Variants in TCF4 observed in about 807,000 individuals in gnomAD.
TCF4 encodes transcription factor 4.
A neutral mutation model predicts 82.1 loss-of-function variants in TCF4; 3 were observed. That is an observed-to-expected ratio of 0.04 (90% CI 0.02 to 0.09). The LOEUF is 0.09. TCF4 is among the 10% of genes least tolerant of loss of function. TCF4 has a pLI of 1.00. For missense variants in TCF4, 518 were observed against 852.7 expected, an observed-to-expected ratio of 0.61 and a Z score of 4.89; for synonymous variants, 276 against 309.6, an observed-to-expected ratio of 0.89 and a Z score of 1.14.
At chr18:55,241,100 C>T (rs532163670) in intron 15 of TCF4, among the ~76,000 whole-genome samples, 2 of 152,332 alleles carry the variant, frequency 1.3e-5, no homozygotes, top group South Asian at 2.1e-4. Context: ...ATCATATGAT[C>T]AGCTGGGCTG....
intron 6 of TCF4, among the ~76,000 whole-genome samples, chr18:55,370,430 T>C (rs1333439994): frequency 5.9e-5 from 5 of 84,344 alleles, no homozygotes; most frequent in Non-Finnish European, 1.2e-4. Flanking sequence ...AGACAGATGA[T>C]AGATAGATAG....
chr18:55,302,011 T>C (rs1395692856), intron 8 of TCF4, among the ~76,000 whole-genome samples: 1 of 152,206 alleles, frequency 6.6e-6, no homozygotes, highest in Non-Finnish European at 1.5e-5. Context: ...AAAACCGTGG[T>C]TGTAACCGAA....
At chr18:55,289,287 G>A (rs1320712413) in intron 8 of TCF4, among the ~76,000 whole-genome samples, 1 of 152,182 alleles carries the variant, frequency 6.6e-6, no homozygotes, top group Non-Finnish European at 1.5e-5. Flanking sequence ...ATAAAAGACT[G>A]CGGATGCTAA....
intron 3 of TCF4, among the ~76,000 whole-genome samples, chr18:55,577,902 T>C (rs1568445463): frequency 6.6e-6 from 1 of 152,094 alleles, no homozygotes. Context: ...AAGTTTAAAA[T>C]GTCAGAGAAA....
At chr18:55,284,692 G>A (rs79299399) in intron 8 of TCF4, among the ~76,000 whole-genome samples, 2 of 152,242 alleles carry the variant, frequency 1.3e-5, no homozygotes, top group East Asian at 3.9e-4. Context: ...TCACTGAAAC[G>A]TTGTAATTGA....
chr18:55,317,000 T>C (rs2074306657), intron 8 of TCF4, among the ~76,000 whole-genome samples: 1 of 152,070 alleles, frequency 6.6e-6, no homozygotes, highest in African/African-American at 2.4e-5. Context: ...TCTGTGAATC[T>C]CATGCAGGGA....
At position 55,361,407 on chromosome 18, in the gene TCF4, C is replaced by T. The variant is rs375270025; in HGVS notation, c.370-10404G>A. On this transcript the variant is annotated intron_variant, in intron 6 of 19. Coordinates refer to ENST00000354452, the MANE Select transcript of TCF4 (RefSeq NM_001083962.2). ...GGAAGACAGTCCTCATCTGTCTCTT[C>T]CCTTCCCTGCAGCCTACCTATAGTC... is the stretch of plus-strand genomic sequence containing the variant. Among the ~76,000 whole-genome samples, 174 of 152,330 alleles carry T rather than the reference C, an allele frequency of 1.1e-3. 1 individual carries two copies. The highest frequency in any genetic ancestry group is 8.3e-3 in the South Asian group (40 of 4,830).
intron 15 of TCF4, among the ~76,000 whole-genome samples, chr18:55,239,462 C>T (rs996007599): frequency 1.6e-4 from 25 of 152,044 alleles, no homozygotes; most frequent in Admixed American, 1.3e-4. Flanking sequence ...AGTTAGGGGG[C>T]AAGATGCGTT....
intron 1 of TCF4, 63 bp from the exon 2 acceptor site, chr18:55,587,199 C>A: frequency 3.4e-6 from 2 of 583,362 alleles, no homozygotes; most frequent in African/African-American, 3.8e-5. Context: ...AAAACACAAT[C>A]GGATTTTTGG....
At chr18:55,429,789 A>AAC (rs2095128565) in intron 5 of TCF4, among the ~76,000 whole-genome samples, 6 of 150,510 alleles carry the variant, frequency 4.0e-5, no homozygotes, top group African/African-American at 9.7e-5. Flanking sequence ...AAAAAAAAAA[A>AAC]CAATTTGGTC....
intron 8 of TCF4, among the ~76,000 whole-genome samples, chr18:55,337,363 G>C (rs1202789294): frequency 1.3e-5 from 2 of 152,174 alleles, no homozygotes; most frequent in African/African-American, 4.8e-5. Context: ...TGAAAATTTA[G>C]GGTAACTCTG....
chr18:55,621,725 T>G (rs12968088), intron 2 of TCF4, among the ~76,000 whole-genome samples: 2 of 85,336 alleles, frequency 2.3e-5, no homozygotes, highest in African/African-American at 4.6e-5. Context: ...ATAATTATAT[T>G]TATAATTATA....
At chr18:55,309,325 T>A (rs2071468017) in intron 8 of TCF4, among the ~76,000 whole-genome samples, 1 of 151,910 alleles carries the variant, frequency 6.6e-6, no homozygotes, top group South Asian at 2.1e-4. Context: ...TGTCCCAATG[T>A]TGATCATGTT....
At chr18:55,511,324 A>G (rs589379) in intron 3 of TCF4, among the ~76,000 whole-genome samples, 1 of 101,112 alleles carries the variant, frequency 9.9e-6, no homozygotes, top group East Asian at 3.0e-4. Flanking sequence ...GAGTAATTCC[A>G]AAAGTTTAAA....
chr18:55,537,319 G>A (rs2097125809), intron 3 of TCF4, among the ~76,000 whole-genome samples: 1 of 152,046 alleles, frequency 6.6e-6, no homozygotes, highest in African/African-American at 2.4e-5. Context: ...ATGGAATGTT[G>A]GCCGGGCACA....
At chr18:55,373,786 C>T (rs1337108907) in intron 6 of TCF4, among the ~76,000 whole-genome samples, 3 of 151,958 alleles carry the variant, frequency 2.0e-5, no homozygotes, top group South Asian at 2.1e-4. Flanking sequence ...ACACTCCAAC[C>T]TGAGTGACAG....
chr18:55,503,167 A>G (rs1041783532), intron 3 of TCF4, among the ~76,000 whole-genome samples: 1 of 152,244 alleles, frequency 6.6e-6, no homozygotes, highest in African/African-American at 2.4e-5. Flanking sequence ...AGTGATCCTC[A>G]CCAACAAAAC....
chr18:55,441,899 T>C (rs755304926), intron 5 of TCF4, among the ~76,000 whole-genome samples: 3 of 152,166 alleles, frequency 2.0e-5, no homozygotes, highest in Non-Finnish European at 4.4e-5. Flanking sequence ...ATACCCATTT[T>C]AAATAAATGG....
intron 8 of TCF4, among the ~76,000 whole-genome samples, chr18:55,289,289 G>A (rs377320973): frequency 1.2e-4 from 19 of 152,244 alleles, no homozygotes; most frequent in African/African-American, 2.9e-4. Context: ...AAAAGACTGC[G>A]GATGCTAAGC....
Sources: allele counts gnomAD v4.1 joint callset (sites outside exome capture counted in the v4.1 genomes callset), GRCh38; gene constraint gnomAD v4.1.1; transcripts MANE v1.5; gene names NCBI Gene and HGNC (gene_info 2026-07-23, HGNC 2026-07-21).